TAFA4: variants seen among roughly 807,000 people sequenced by gnomAD.
The protein encoded by TAFA4 is chemokine-like protein TAFA-4.
Under a neutral mutation model 21.1 loss-of-function variants are expected in TAFA4, and 20 were observed. That is an observed-to-expected ratio of 0.95 (90% CI 0.67 to 1.38). TAFA4 has a LOEUF of 1.38. TAFA4 is among the 40% of genes most tolerant of loss of function. The probability of loss-of-function intolerance (pLI) is 0.00; values close to 1 mark genes in which losing one functional copy is unlikely to be tolerated. For missense variants in TAFA4, 211 were observed against 180.9 expected, an observed-to-expected ratio of 1.17 and a Z score of -0.95; for synonymous variants, 71 against 67.4, an observed-to-expected ratio of 1.05 and a Z score of -0.26.
chr3:68,825,581 C>T (rs922206198), intron 3 of TAFA4, among the ~76,000 whole-genome samples: 3 of 148,906 alleles, frequency 2.0e-5, no homozygotes, highest in African/African-American at 5.2e-5. Flanking sequence ...CCAGTATTAA[C>T]CTTACCTTAA....
chr3:68,795,001 T>TATAC (rs1703427113), intron 3 of TAFA4, among the ~76,000 whole-genome samples: 1 of 143,980 alleles, frequency 6.9e-6, no homozygotes, highest in Admixed American at 7.1e-5. Context: ...TGTGTCTCAA[T>TATAC]ACACACACAC....
At chr3:68,837,250 C>T (rs1704546061) in intron 3 of TAFA4, among the ~76,000 whole-genome samples, 1 of 152,224 alleles carries the variant, frequency 6.6e-6, no homozygotes, top group Non-Finnish European at 1.5e-5. Flanking sequence ...GCATCATCAG[C>T]ATCACCCAGC....
chr3:68,747,181 C>G (rs779392170), intron 4 of TAFA4, among the ~76,000 whole-genome samples: 31 of 152,174 alleles, frequency 2.0e-4, no homozygotes, highest in Non-Finnish European at 3.5e-4. Context: ...TTTATGTCTT[C>G]CTTCCTGCCC....
chr3:68,827,783 C>G (rs1359619235), intron 3 of TAFA4, among the ~76,000 whole-genome samples: 1 of 152,116 alleles, frequency 6.6e-6, no homozygotes, highest in Non-Finnish European at 1.5e-5. Flanking sequence ...TGGATATTAG[C>G]CCTTGTCAGA....
chr3:68,760,394 T>G (rs532377121), intron 3 of TAFA4, among the ~76,000 whole-genome samples: 2 of 152,342 alleles, frequency 1.3e-5, no homozygotes, highest in East Asian at 3.9e-4. Context: ...TAGAAGTTCT[T>G]CAGCTGAAAC....
chr3:68,781,404 G>C (rs1007459416), intron 3 of TAFA4, among the ~76,000 whole-genome samples: 4 of 151,460 alleles, frequency 2.6e-5, no homozygotes, highest in Non-Finnish European at 5.9e-5. Context: ...GAACAAAAGA[G>C]AAAAAATATG....
At chr3:68,748,106 A>G (rs1421288213) in intron 4 of TAFA4, among the ~76,000 whole-genome samples, 2 of 152,180 alleles carry the variant, frequency 1.3e-5, no homozygotes, top group Admixed American at 1.3e-4. Context: ...GTTTCTCTGA[A>G]CTAGTAAACT....
intron 3 of TAFA4, among the ~76,000 whole-genome samples, chr3:68,870,369 A>G (rs1286714601): frequency 6.6e-6 from 1 of 152,128 alleles, no homozygotes; most frequent in Non-Finnish European, 1.5e-5. Context: ...ATGTGGAGCC[A>G]TAAAAGACCC....
chr3:68,892,964 A>G (rs554085353), intron 1 of TAFA4, among the ~76,000 whole-genome samples: 94 of 152,322 alleles, frequency 6.2e-4, no homozygotes, highest in Middle Eastern at 6.8e-3. Context: ...TGGCTCCACA[A>G]CTTGTTGTCC....
intron 1 of TAFA4, among the ~76,000 whole-genome samples, chr3:68,927,320 T>C (rs2090117487): frequency 6.6e-6 from 1 of 152,086 alleles, no homozygotes; most frequent in South Asian, 2.1e-4. Context: ...AATCAAGAAA[T>C]AAAACTACTA....
At chr3:68,886,430 C>G (rs959384564) in intron 1 of TAFA4, among the ~76,000 whole-genome samples, 6 of 152,172 alleles carry the variant, frequency 3.9e-5, no homozygotes, top group Admixed American at 3.3e-4. Context: ...TTTGTCCTTA[C>G]GTCCACCCAA....
intron 3 of TAFA4, among the ~76,000 whole-genome samples, chr3:68,824,161 T>C (rs1349536669): frequency 6.6e-6 from 1 of 152,178 alleles, no homozygotes; most frequent in South Asian, 2.1e-4. Flanking sequence ...ACATAGATCA[T>C]TTGTGAATAC....
intron 4 of TAFA4, among the ~76,000 whole-genome samples, chr3:68,747,471 T>A (rs750061291): frequency 6.6e-6 from 1 of 152,132 alleles, no homozygotes; most frequent in Non-Finnish European, 1.5e-5. Flanking sequence ...CTGCACACAC[T>A]CTCCTGCCTG....
chr3:68,853,292 T>A (rs1052185093), intron 3 of TAFA4, among the ~76,000 whole-genome samples: 1 of 152,196 alleles, frequency 6.6e-6, no homozygotes, highest in Non-Finnish European at 1.5e-5. Context: ...TTAATAGACA[T>A]GAGTCAGTTG....
intron 3 of TAFA4, among the ~76,000 whole-genome samples, chr3:68,794,377 A>C (rs761993283): frequency 3.9e-4 from 60 of 152,124 alleles, no homozygotes; most frequent in Non-Finnish European, 7.1e-4. Context: ...ATTGTATTTC[A>C]CTCATGTTAA....
intron 3 of TAFA4, among the ~76,000 whole-genome samples, chr3:68,871,655 C>A (rs1026277778): frequency 6.6e-6 from 1 of 152,048 alleles, no homozygotes; most frequent in Non-Finnish European, 1.5e-5. Flanking sequence ...ATCCATCCAA[C>A]AATCAATTAA....
chr3:68,756,601 C>T (rs13097433), intron 3 of TAFA4, among the ~76,000 whole-genome samples: 5,783 of 152,200 alleles, frequency 0.038, 320 homozygotes, highest in East Asian at 0.25. Context: ...CCATCTTCAA[C>T]GTCGATGGCA....
At chr3:68,738,201 G>A (rs983374018) in intron 5 of TAFA4, among the ~76,000 whole-genome samples, 5 of 152,168 alleles carry the variant, frequency 3.3e-5, no homozygotes, top group Non-Finnish European at 7.3e-5. Flanking sequence ...TATGAAGAGG[G>A]AACAGCCCAT....
intron 1 of TAFA4, among the ~76,000 whole-genome samples, chr3:68,909,128 G>T (rs2089931056): frequency 6.6e-6 from 1 of 152,148 alleles, no homozygotes; most frequent in South Asian, 2.1e-4. Context: ...CACAGCTCTA[G>T]ACAACGCCAT....
Sources: gnomAD v4.1 joint callset for allele counts (sites outside exome capture counted in the v4.1 genomes callset) on GRCh38, gnomAD v4.1.1 for gene constraint, MANE v1.5 for transcripts, NCBI Gene and HGNC (gene_info 2026-07-23, HGNC 2026-07-21) for gene names.